SCAPER: variants seen among roughly 807,000 people sequenced by gnomAD.
SCAPER encodes the protein S phase cyclin A-associated protein in the endoplasmic reticulum.
In SCAPER, 98 loss-of-function variants were observed where a neutral mutation model predicts 182.2. The ratio of observed to expected loss-of-function variants is 0.54; its 90% confidence interval spans 0.46 to 0.64. The LOEUF is 0.64. Ranked by LOEUF, SCAPER falls within the 30% of genes least tolerant of loss-of-function variation. The pLI, the probability that SCAPER is intolerant of heterozygous loss-of-function variation, is 0.00. For synonymous variants in SCAPER, 605 were observed against 564.6 expected, an observed-to-expected ratio of 1.07 and a Z score of -1.01; for missense variants, 1,432 against 1,690.0, an observed-to-expected ratio of 0.85 and a Z score of 2.68.
chr15:76,781,175 A>C (rs1211961587), intron 8 of SCAPER, among the ~76,000 whole-genome samples: 1 of 152,216 alleles, frequency 6.6e-6, no homozygotes, highest in Non-Finnish European at 1.5e-5. Flanking sequence ...TAGAATGAAC[A>C]GTGGAGAGAA....
At chr15:76,615,549 G>A (rs1267059201) in intron 22 of SCAPER, among the ~76,000 whole-genome samples, 2 of 148,618 alleles carry the variant, frequency 1.3e-5, no homozygotes, top group African/African-American at 5.0e-5. Flanking sequence ...GGCCAGGCAC[G>A]GTGGCTCACA....
At chr15:76,577,888 A>G (rs1184146094) in intron 22 of SCAPER, among the ~76,000 whole-genome samples, 1 of 152,000 alleles carries the variant, frequency 6.6e-6, no homozygotes, top group African/African-American at 2.4e-5. Context: ...GGGCAGAGCA[A>G]CAAGAGGGTT....
At chr15:76,489,942 T>C (rs940180646) in intron 24 of SCAPER, among the ~76,000 whole-genome samples, 1 of 152,200 alleles carries the variant, frequency 6.6e-6, no homozygotes, top group Non-Finnish European at 1.5e-5. Flanking sequence ...AATGTCTTCA[T>C]GGTTCAACCA....
In SCAPER at chr15:76,471,097, T is replaced by TC. The variant is rs1491487527; in HGVS notation, c.3078+114dup. 5.4e-6 allele frequency: 4 copies of TC among 739,962 alleles called. No homozygotes were observed. The East Asian group carries it at 1.1e-4, about 21-fold the overall frequency. 45.8% of individuals were successfully genotyped at this position (739,962 alleles called of 1,614,324 possible). A position where few individuals can be genotyped will look rare whatever the true frequency, so the allele number is the denominator to read the frequency against. ...ATCTTCACTTTCTTCTTCTTCTTCT[T>TC]CTTTTTTTTTTTTTTCATCTGGAGA... On this transcript the variant is annotated intron_variant, in intron 25 of 31. Coordinates refer to ENST00000563290, the MANE Select transcript of SCAPER (RefSeq NM_020843.4).
At chr15:76,842,035 A>T in intron 4 of SCAPER, 104 bp from the exon 5 acceptor site, 1 of 980,858 alleles carries the variant, frequency 1.0e-6, no homozygotes, top group Non-Finnish European at 1.5e-6. Context: ...CTACTCCAGA[A>T]ATAAAAAGCA....
At chr15:76,766,855 C>A in intron 11 of SCAPER, 63 bp downstream of exon 11, 1 of 1,383,462 alleles carries the variant, frequency 7.2e-7, no homozygotes, top group Non-Finnish European at 9.8e-7. Context: ...TCTTTCTGGC[C>A]CAGATAATTT....
intron 22 of SCAPER, among the ~76,000 whole-genome samples, chr15:76,606,349 C>G (rs1363249626): frequency 6.6e-6 from 1 of 152,138 alleles, no homozygotes; most frequent in East Asian, 1.9e-4. Flanking sequence ...GTTTCTTAAC[C>G]CTGAGTTCTA....
chr15:76,877,031 T>C (rs974625189), intron 2 of SCAPER, among the ~76,000 whole-genome samples: 13 of 151,744 alleles, frequency 8.6e-5, no homozygotes, highest in African/African-American at 3.1e-4. Context: ...AGTCCAGGAG[T>C]TCAAGACCAG....
chr15:76,470,544 A>G (rs1249191028), intron 25 of SCAPER, among the ~76,000 whole-genome samples: 4 of 152,190 alleles, frequency 2.6e-5, no homozygotes, highest in Non-Finnish European at 5.9e-5. Context: ...CTTGTGTTAT[A>G]AACTTGCAGC....
chr15:76,504,754 C>T (rs758155009), intron 24 of SCAPER, 105 bp downstream of exon 24: 8 of 892,966 alleles, frequency 9.0e-6, no homozygotes, highest in Non-Finnish European at 1.3e-5. Context: ...TGGTATTCAA[C>T]CCTGAATACA....
Position 76,436,364 on chromosome 15 carries a change from G to A in SCAPER, c.3079-2054C>T, listed in dbSNP as rs1362952060. ...ACTGCAGGTGTGAGCCACTGCAGCCGGCCTTCTGATGGATTTTGAACCTAG... is the reference window on the plus strand; with the variant it reads ...ACTGCAGGTGTGAGCCACTGCAGCCAGCCTTCTGATGGATTTTGAACCTAG... On this transcript the variant is annotated intron_variant, in intron 25 of 31. Transcript: ENST00000563290. 2.0e-5 allele frequency among the ~76,000 whole-genome samples: 3 copies of A among 152,136 alleles called. No individual in the cohort carries two copies. The East Asian group carries it at 5.8e-4, about 29-fold the overall frequency.
At position 76,414,096 on chromosome 15, in the gene SCAPER, C is replaced by T. The variant is rs1015871528; in HGVS notation, c.3312-9417G>A. On this transcript the variant is annotated intron_variant, in intron 26 of 31. Transcript: ENST00000563290. ...AATTTAATTGCTACATTTATGTTCA[C>T]GAGGAATGTTGATCTGTAATTTTAT... Among the ~76,000 whole-genome samples the T allele has an allele frequency of 5.9e-5, 9 of 152,020 alleles. No homozygotes were observed. In the South Asian group the frequency reaches 6.2e-4, roughly 11 times the overall value.
At chr15:76,678,911 G>A (rs1407853590) in intron 20 of SCAPER, among the ~76,000 whole-genome samples, 6 of 152,082 alleles carry the variant, frequency 3.9e-5, no homozygotes, top group Non-Finnish European at 5.9e-5. Flanking sequence ...AAGTTAAGGA[G>A]GAATGATTCT....
chr15:76,641,598 T>C (rs1166386119), intron 21 of SCAPER, among the ~76,000 whole-genome samples: 1 of 152,076 alleles, frequency 6.6e-6, no homozygotes, highest in African/African-American at 2.4e-5. Context: ...TACCAAAATA[T>C]CTAAATATAA....
intron 21 of SCAPER, among the ~76,000 whole-genome samples, chr15:76,646,885 A>G (rs1012504489): frequency 1.3e-5 from 2 of 152,192 alleles, no homozygotes; most frequent in African/African-American, 4.8e-5. Context: ...AAGTATCTTT[A>G]GTTTTAATTC....
chr15:76,738,540 T>TG (rs1425428042), intron 15 of SCAPER, among the ~76,000 whole-genome samples: 1 of 16,292 alleles, frequency 6.1e-5, no homozygotes, highest in South Asian at 5.0e-3. Context: ...AGACTCTGTC[T>TG]CAAAAAAAAA....
chr15:76,876,438 CAAA>C (rs33959211), intron 2 of SCAPER, among the ~76,000 whole-genome samples: 215 of 122,698 alleles, frequency 1.8e-3, no homozygotes, highest in Middle Eastern at 4.3e-3. Flanking sequence ...AAAACAAAAG[CAAA>C]AAAAAAAAAA....
At chr15:76,367,955 G>T (rs1163995616) in intron 29 of SCAPER, among the ~76,000 whole-genome samples, 2 of 151,938 alleles carry the variant, frequency 1.3e-5, no homozygotes, top group African/African-American at 4.8e-5. Context: ...CTATAATATT[G>T]AGAGTAACTT....
At chr15:76,648,046 T>A (rs1343478411) in intron 21 of SCAPER, among the ~76,000 whole-genome samples, 9 of 151,204 alleles carry the variant, frequency 6.0e-5, no homozygotes, top group East Asian at 1.9e-4. Flanking sequence ...GTCCAATATA[T>A]GAAAAAAATA....
Sources: allele counts gnomAD v4.1 joint callset (sites outside exome capture counted in the v4.1 genomes callset), GRCh38; gene constraint gnomAD v4.1.1; transcripts MANE v1.5; gene names NCBI Gene and HGNC (gene_info 2026-07-23, HGNC 2026-07-21).